The following STOX2 variants were observed in gnomAD, a reference collection of about 807,000 sequenced individuals.
The protein encoded by STOX2 is storkhead box 2.
In STOX2, 28 loss-of-function variants were observed where a neutral mutation model predicts 60.9. The ratio of observed to expected loss-of-function variants is 0.46; its 90% CI spans 0.34 to 0.63. The LOEUF (loss-of-function observed/expected upper bound fraction) is 0.63, where lower values mean the gene tolerates loss of function less well. STOX2 is among the 30% of genes least tolerant of loss of function. The pLI is 0.01. For synonymous variants in STOX2, 472 were observed against 463.9 expected (o/e 1.02, Z -0.22); for missense variants, 1,024 against 1,187.7 (o/e 0.86, Z 2.03).
At chr4:183,870,971 T>C (rs1324062532) in intron 1 of STOX2, among the ~76,000 whole-genome samples, 1 of 152,238 alleles carries the variant, frequency 6.6e-6, no homozygotes, top group Non-Finnish European at 1.5e-5. Flanking sequence ...TTAAGAAGCC[T>C]AGAAATCATG....
intron 1 of STOX2, among the ~76,000 whole-genome samples, chr4:183,996,088 C>T (rs1003107836): frequency 6.6e-6 from 1 of 152,226 alleles, no homozygotes; most frequent in African/African-American, 2.4e-5. Context: ...ATTTTCATGT[C>T]TTTTCACATT....
chr4:183,951,254 G>A (rs79630714), intron 1 of STOX2, among the ~76,000 whole-genome samples: 94 of 151,702 alleles, frequency 6.2e-4, no homozygotes, highest in African/African-American at 2.1e-3. Context: ...TAGTGCAAAG[G>A]CTTTGCTCAG....
intron 1 of STOX2, among the ~76,000 whole-genome samples, chr4:183,909,192 C>T (rs1229226130): frequency 1.3e-5 from 2 of 152,110 alleles, no homozygotes; most frequent in East Asian, 3.9e-4. Flanking sequence ...ATTTCCTTTA[C>T]AAATATGGCT....
At chr4:183,851,924 AGAAAGGATGAGGGAAAGGATGAGG>A (rs1740152003) in intron 1 of STOX2, among the ~76,000 whole-genome samples, 3 of 23,926 alleles carry the variant, frequency 1.3e-4, no homozygotes, top group African/African-American at 6.3e-4. Flanking sequence ...AAAGGATGAG[AGAAAGGATGAGGGAAAGGATGAGG>A]GAAACGATGA....
At chr4:183,937,547 G>A (rs1478468157) in intron 1 of STOX2, among the ~76,000 whole-genome samples, 2 of 152,140 alleles carry the variant, frequency 1.3e-5, no homozygotes, top group Non-Finnish European at 2.9e-5. Flanking sequence ...CATATATTTA[G>A]AAATTGAGAG....
intron 1 of STOX2, among the ~76,000 whole-genome samples, chr4:183,826,343 C>A (rs990063466): frequency 3.3e-5 from 5 of 152,158 alleles, no homozygotes; most frequent in Admixed American, 6.5e-5. Flanking sequence ...CATCAGCGAA[C>A]CTGTTCCCCT....
At chr4:184,008,070 C>A (rs557209450) in intron 2 of STOX2, among the ~76,000 whole-genome samples, 1 of 152,292 alleles carries the variant, frequency 6.6e-6, no homozygotes, top group African/African-American at 2.4e-5. Flanking sequence ...CTGCCTTATT[C>A]GTGTTTGGTT....
intron 1 of STOX2, among the ~76,000 whole-genome samples, chr4:183,891,962 A>C (rs1376986089): frequency 1.3e-5 from 2 of 152,154 alleles, no homozygotes; most frequent in African/African-American, 4.8e-5. Context: ...CATGTTCCGG[A>C]GGAAGAACTG....
chr4:183,876,366 T>A (rs11944432), intron 1 of STOX2, among the ~76,000 whole-genome samples: 104,358 of 151,994 alleles, frequency 0.69, 35,912 homozygotes, highest in African/African-American at 0.74. Flanking sequence ...CTCCTTTCCT[T>A]TGGGGGAGAT....
intron 1 of STOX2, among the ~76,000 whole-genome samples, chr4:183,967,454 A>C (rs1270285457): frequency 2.0e-5 from 3 of 152,016 alleles, no homozygotes; most frequent in Admixed American, 6.6e-5. Flanking sequence ...TCATCGAGAA[A>C]GTGAGTGGTG....
At chr4:183,962,761 T>C (rs1487644192) in intron 1 of STOX2, among the ~76,000 whole-genome samples, 2 of 152,222 alleles carry the variant, frequency 1.3e-5, no homozygotes, top group Non-Finnish European at 2.9e-5. Flanking sequence ...GTAATACTGA[T>C]GGTCTGTGAA....
In STOX2 at chr4:183,806,913, C is replaced by G. The variant is rs1738903839; in HGVS notation, c.364+8858C>G. On this transcript the variant is annotated intron_variant, in intron 1 of 2. Coordinates refer to the STOX2 transcript ENST00000513034. The surrounding 1 kb of genome is among the most constrained non-coding windows in gnomAD (Gnocchi z 4.1). ...ATGCACTGCCCCCACGGCCCCACAGCTCGAAGCCCCCATGCCTGGAGGGGG... is the reference window on the plus strand; with the variant it reads ...ATGCACTGCCCCCACGGCCCCACAGGTCGAAGCCCCCATGCCTGGAGGGGG... Among the ~76,000 whole-genome samples the G allele has an allele frequency of 6.6e-6, 1 of 152,178 alleles. No homozygotes were observed. Among genetic ancestry groups the G allele is most frequent in the South Asian group, 2.1e-4 (1 of 4,830 alleles).
At chr4:184,000,570 A>G (rs539927509) in intron 1 of STOX2, among the ~76,000 whole-genome samples, 1 of 152,170 alleles carries the variant, frequency 6.6e-6, no homozygotes, top group Admixed American at 6.5e-5. Context: ...GGTCGTCCCT[A>G]CCTACCTGTC....
At chr4:183,899,311 T>C (rs1741412488) in intron 1 of STOX2, among the ~76,000 whole-genome samples, 1 of 152,176 alleles carries the variant, frequency 6.6e-6, no homozygotes, top group Admixed American at 6.5e-5. Flanking sequence ...GTCACATGTC[T>C]CTTACTTGAA....
chr4:183,979,100 T>TG (rs1732552526), intron 1 of STOX2, among the ~76,000 whole-genome samples: 1 of 152,220 alleles, frequency 6.6e-6, no homozygotes, highest in Admixed American at 6.5e-5. Context: ...CTTGTGACTC[T>TG]GCAGGCTGTA....
chr4:184,021,874 C>T lies in STOX2; in HGVS notation c.*4590C>T, dbSNP rs1280553521. ...CACCACAGGCCAGTCACAGAACCAA[C>T]TAGCCACGTGCTGCCAGACCTCAGT... On this transcript the variant is annotated 3_prime_UTR_variant, in exon 4 of 4. Coordinates refer to ENST00000308497, the MANE Select transcript of STOX2 (RefSeq NM_020225.3). 6.6e-6 allele frequency: 1 copy of T among 152,306 alleles called. No individual in the cohort carries two copies. The highest frequency in any genetic ancestry group is 1.5e-5 in the Non-Finnish European group (1 of 68,170). 9.4% of individuals were successfully genotyped at this position (152,306 alleles called of 1,614,324 possible). A position where few individuals can be genotyped will look rare whatever the true frequency, so the allele number is the denominator to read the frequency against.
Position 183,825,027 on chromosome 4 carries a change from C to A in STOX2, c.364+26972C>A, listed in dbSNP as rs939883319. Reference sequence around the variant, plus strand: ...TCCCCATGTCCCCTATCTCCTCACACAATCTTGGGCTTGGGGATCGGGGAG... The same window carrying A: ...TCCCCATGTCCCCTATCTCCTCACAAAATCTTGGGCTTGGGGATCGGGGAG... On this transcript the variant is annotated intron_variant, in intron 1 of 2. Transcript: ENST00000513034. The surrounding 1 kb of genome is among the most constrained non-coding windows in gnomAD (Gnocchi z 4.1). Among the ~76,000 whole-genome samples the A allele has an allele frequency of 6.6e-6, 1 of 152,204 alleles. No individual in the cohort carries two copies. The highest frequency in any genetic ancestry group is 1.5e-5 in the Non-Finnish European group (1 of 68,040).
chr4:183,826,920 G>A (rs116033079), intron 1 of STOX2, among the ~76,000 whole-genome samples: 3 of 152,302 alleles, frequency 2.0e-5, no homozygotes, highest in African/African-American at 7.2e-5. Flanking sequence ...TAGCGGTAAT[G>A]GTAATAATAG....
At chr4:183,873,806 C>G (rs1319508944) in intron 1 of STOX2, among the ~76,000 whole-genome samples, 2 of 152,192 alleles carry the variant, frequency 1.3e-5, no homozygotes, top group Admixed American at 6.5e-5. Flanking sequence ...CACAGTAAGG[C>G]AGGGCTGTAG....
Sources: gnomAD v4.1 joint callset for allele counts (sites outside exome capture counted in the v4.1 genomes callset) on GRCh38, gnomAD v4.1.1 for gene constraint, Gnocchi (gnomAD v3.1) non-coding constraint, MANE v1.5 for transcripts, NCBI Gene and HGNC (gene_info 2026-07-23, HGNC 2026-07-21) for gene names.